MARCHF1: variants seen among roughly 807,000 people sequenced by gnomAD.
MARCHF1 encodes the protein membrane associated ring-CH-type finger 1, also known as E3 ubiquitin-protein ligase MARCHF1.
MARCHF1 carries 40 observed loss-of-function variants against 54.2 expected under a neutral mutation model. That is an observed-to-expected ratio of 0.74 (90% CI 0.57 to 0.96). The LOEUF is 0.96. Ranked by LOEUF, MARCHF1 falls within the 40% of genes least tolerant of loss-of-function variation. The pLI is 0.00. For missense variants in MARCHF1, 586 were observed against 656.5 expected (o/e 0.89, Z 1.17); for synonymous variants, 236 against 236.3 (o/e 1.00, Z 0.01).
intron 4 of MARCHF1, among the ~76,000 whole-genome samples, chr4:163,751,321 C>T (rs1034191776): frequency 6.6e-6 from 1 of 152,032 alleles, no homozygotes; most frequent in African/African-American, 2.4e-5. Context: ...GCATGTGTCA[C>T]TGTGCTAGGC....
chr4:164,046,345 T>C (rs1389243784), intron 2 of MARCHF1, among the ~76,000 whole-genome samples: 1 of 152,228 alleles, frequency 6.6e-6, no homozygotes, highest in Non-Finnish European at 1.5e-5. Context: ...GTGTCTCTTC[T>C]CACAATATGA....
At chr4:164,366,812 T>A (rs1437682735) in intron 1 of MARCHF1, among the ~76,000 whole-genome samples, 1 of 152,026 alleles carries the variant, frequency 6.6e-6, no homozygotes, top group Non-Finnish European at 1.5e-5. Context: ...TATGTACCTG[T>A]CACCTACATT....
chr4:163,818,017 C>T (rs960560201), intron 4 of MARCHF1, among the ~76,000 whole-genome samples: 5 of 148,976 alleles, frequency 3.4e-5, no homozygotes, highest in South Asian at 2.2e-4. Flanking sequence ...TGCTAAATGA[C>T]GAGTTAATGG....
chr4:164,235,100 C>T (rs12510089), intron 1 of MARCHF1, among the ~76,000 whole-genome samples: 39,592 of 151,880 alleles, frequency 0.26, 5,843 homozygotes, highest in East Asian at 0.5. Context: ...TCTAAACGTT[C>T]CCCCAGGCCT....
At chr4:163,968,600 T>C (rs1752488614) in intron 3 of MARCHF1, among the ~76,000 whole-genome samples, 2 of 152,296 alleles carry the variant, frequency 1.3e-5, no homozygotes, top group South Asian at 2.1e-4. Flanking sequence ...GAGCTCCTAC[T>C]CTATGCTGAG....
intron 2 of MARCHF1, among the ~76,000 whole-genome samples, chr4:164,106,778 A>T (rs13125620): frequency 0.012 from 1,678 of 134,404 alleles, 23 homozygotes; most frequent in African/African-American, 0.025. Context: ...AAAATAAAAA[A>T]TAAAAAAAAA....
intron 3 of MARCHF1, among the ~76,000 whole-genome samples, chr4:163,922,425 A>G (rs919605966): frequency 1.3e-5 from 2 of 152,178 alleles, no homozygotes; most frequent in African/African-American, 2.4e-5. Context: ...TGTACTAAAC[A>G]GGAAATAACT....
intron 1 of MARCHF1, among the ~76,000 whole-genome samples, chr4:164,354,448 G>T (rs1355328479): frequency 7.5e-6 from 1 of 132,846 alleles, no homozygotes. Flanking sequence ...GGGATGCAAG[G>T]CTGGTTCAAT....
At chr4:163,628,453 C>A (rs1272269131) in intron 5 of MARCHF1, among the ~76,000 whole-genome samples, 1 of 152,166 alleles carries the variant, frequency 6.6e-6, no homozygotes, top group Non-Finnish European at 1.5e-5. Context: ...ATTGAATGGG[C>A]AAAAGCTGGA....
In MARCHF1 at chr4:164,107,809, C is replaced by T. The variant is rs537493316; in HGVS notation, c.-248+3779G>A. On this transcript the variant is annotated intron_variant, in intron 2 of 9. Coordinates refer to ENST00000514618, the MANE Select transcript of MARCHF1 (RefSeq NM_001394959.1). ...ACTATTTATTTTACTATCAAAATGTCGATAATACAAAAAAAAAGAGAATAG... is the reference window on the plus strand; with the variant it reads ...ACTATTTATTTTACTATCAAAATGTTGATAATACAAAAAAAAAGAGAATAG... Among the ~76,000 whole-genome samples the T allele has an allele frequency of 1.4e-4, 9 of 62,136 alleles. No homozygotes were observed. The South Asian group carries it at 3.0e-3, about 21-fold the overall frequency. 40.8% of individuals were successfully genotyped at this position (62,136 alleles called of 152,430 possible).
intron 4 of MARCHF1, among the ~76,000 whole-genome samples, chr4:163,727,698 G>C (rs552528691): frequency 6.6e-6 from 1 of 150,872 alleles, no homozygotes; most frequent in African/African-American, 2.4e-5. Flanking sequence ...TTTGAGGCAG[G>C]GTCTCACTCT....
At position 164,210,249 on chromosome 4, in the gene MARCHF1, A is replaced by G. The variant is rs545649295; in HGVS notation, c.-322-98587T>C. Among the ~76,000 whole-genome samples, 4 of 152,320 alleles carry G rather than the reference A, an allele frequency of 2.6e-5. No individual in the cohort carries two copies. The East Asian group carries it at 7.7e-4, about 29-fold the overall frequency. On this transcript the variant is annotated intron_variant, in intron 1 of 9. Transcript: ENST00000514618. ...TTCGGATCATTTATCAGCATCTGCG[A>G]AGATGAGAAAAAGCTGATGGCTTAA...
intron 2 of MARCHF1, among the ~76,000 whole-genome samples, chr4:163,998,929 C>T (rs1753132275): frequency 6.6e-6 from 1 of 151,654 alleles, no homozygotes; most frequent in African/African-American, 2.4e-5. Context: ...GTGCAGATAT[C>T]TCTTAGACAT....
chr4:164,300,332 GCCACAGTGAGC>G (rs1159957005), intron 1 of MARCHF1, among the ~76,000 whole-genome samples: 1 of 151,958 alleles, frequency 6.6e-6, no homozygotes, highest in Non-Finnish European at 1.5e-5. Context: ...TTTATTTCTG[GCCACAGTGAGC>G]TTTTAAGATA....
At chr4:164,075,667 T>C (rs1281443254) in intron 2 of MARCHF1, among the ~76,000 whole-genome samples, 1 of 152,234 alleles carries the variant, frequency 6.6e-6, no homozygotes, top group Non-Finnish European at 1.5e-5. Flanking sequence ...TAGTTGAAAC[T>C]GTGATGTTAA....
At chr4:163,689,270 G>A (rs761258327) in intron 5 of MARCHF1, among the ~76,000 whole-genome samples, 2 of 152,140 alleles carry the variant, frequency 1.3e-5, no homozygotes, top group Admixed American at 1.3e-4. Context: ...GTATTAGGAT[G>A]TAAGAACTTG....
At chr4:163,802,762 A>T (rs1748116979) in intron 4 of MARCHF1, among the ~76,000 whole-genome samples, 1 of 152,212 alleles carries the variant, frequency 6.6e-6, no homozygotes, top group South Asian at 2.1e-4. Flanking sequence ...TTATAAAAGA[A>T]AGATAGATAA....
At chr4:163,877,381 G>T (rs1195657836) in intron 3 of MARCHF1, among the ~76,000 whole-genome samples, 1 of 151,510 alleles carries the variant, frequency 6.6e-6, no homozygotes, top group African/African-American at 2.4e-5. Flanking sequence ...ATTAACTGAA[G>T]AGCTCTGAAA....
chr4:163,544,495 G>C (rs1738827269), intron 9 of MARCHF1, among the ~76,000 whole-genome samples: 1 of 151,980 alleles, frequency 6.6e-6, no homozygotes, highest in Non-Finnish European at 1.5e-5. Flanking sequence ...AATTCCTATC[G>C]TGGGTCCTGG....
Sources: gnomAD v4.1 joint callset for allele counts (sites outside exome capture counted in the v4.1 genomes callset) on GRCh38, gnomAD v4.1.1 for gene constraint, MANE v1.5 for transcripts, NCBI Gene and HGNC (gene_info 2026-07-23, HGNC 2026-07-21) for gene names.